TLR2: variants seen among roughly 807,000 people sequenced by gnomAD.
TLR2 encodes toll-like receptor 2.
Under a neutral mutation model 9.1 loss-of-function variants are expected in TLR2, and 7 were observed. That is an observed-to-expected ratio of 0.77 (90% CI 0.44 to 1.44). The LOEUF is 1.44. Ranked by LOEUF, TLR2 falls within the 40% of genes most tolerant of loss-of-function variation. The probability of loss-of-function intolerance (pLI) is 0.01; values close to 1 mark genes in which losing one functional copy is unlikely to be tolerated. For missense variants in TLR2, 812 were observed against 904.6 expected (o/e 0.90, Z 1.31); for synonymous variants, 317 against 344.6 (o/e 0.92, Z 0.89).
In TLR2 at chr4:153,692,868, C is replaced by A. The variant is rs577169248; in HGVS notation, c.-17+4821C>A. Reference sequence around the variant, plus strand: ...TGTTAAATTGAGCAGGTTGAATTGACCATGCAGATGGCCAGTGCTGTACAG... The same window carrying A: ...TGTTAAATTGAGCAGGTTGAATTGAACATGCAGATGGCCAGTGCTGTACAG... On this transcript the variant is annotated intron_variant, in intron 2 of 2. Transcript: ENST00000642700. 1.9e-4 allele frequency among the ~76,000 whole-genome samples: 29 copies of A among 152,316 alleles called. No individual in the cohort carries two copies. In the South Asian group the frequency reaches 5.6e-3, roughly 29 times the overall value.
downstream of TLR2, among the ~76,000 whole-genome samples, chr4:153,709,271 T>A (rs945221715): frequency 1.4e-4 from 21 of 152,226 alleles, no homozygotes; most frequent in African/African-American, 5.1e-4. Context: ...AGTGCCAATA[T>A]CTGAACAAGG....
chr4:153,695,213 G>A (rs1736407400), intron 2 of TLR2, among the ~76,000 whole-genome samples: 1 of 152,088 alleles, frequency 6.6e-6, no homozygotes, highest in Non-Finnish European at 1.5e-5. Flanking sequence ...TGGATTGTGT[G>A]GTAGCTCTAC....
chr4:153,686,790 T>G (rs2127008316), intron 1 of TLR2, among the ~76,000 whole-genome samples: 1 of 152,240 alleles, frequency 6.6e-6, no homozygotes, highest in South Asian at 2.1e-4. Flanking sequence ...TTATCATACA[T>G]CTCTCAGTAA....
chr4:153,698,683 G>A (rs1218829490), intron 2 of TLR2, among the ~76,000 whole-genome samples: 1 of 152,184 alleles, frequency 6.6e-6, no homozygotes, highest in Non-Finnish European at 1.5e-5. Context: ...AAAAACCTCA[G>A]TTGGTACATT....
intron 2 of TLR2, among the ~76,000 whole-genome samples, chr4:153,692,731 A>G (rs1429027047): frequency 6.6e-6 from 1 of 152,168 alleles, no homozygotes; most frequent in East Asian, 1.9e-4. Context: ...CTATAAATTT[A>G]TAGGTACAGA....
intron 2 of TLR2, 112 bp from the exon 3 acceptor site, chr4:153,702,761 TTTGTGTGTGTGTGTGTGTG>T (rs1579000011): frequency 1.2e-3 from 620 of 536,632 alleles, no homozygotes; most frequent in East Asian, 4.3e-3. Context: ...TCTCTCTCTC[TTTGTGTGTGTGTGTGTGTG>T]TGTGTGTGTG....
At position 153,700,166 on chromosome 4, in the gene TLR2, A is replaced by G. The variant is rs1736785609; in HGVS notation, c.-16-2726A>G. Among the ~76,000 whole-genome samples the G allele has an allele frequency of 1.3e-5, 2 of 152,088 alleles. 1 individual carries two copies. The highest frequency in any genetic ancestry group is 4.1e-4 in the South Asian group (2 of 4,830). On this transcript the variant is annotated intron_variant, in intron 2 of 2. Transcript: ENST00000642700. ...CTGTGAACAGAGTGAAAACTAACTT[A>G]TTACCATGAAGAGCACACCAAGCCA...
At chr4:153,690,921 A>G (rs189253567) in intron 2 of TLR2, among the ~76,000 whole-genome samples, 70 of 152,334 alleles carry the variant, frequency 4.6e-4, no homozygotes, top group African/African-American at 1.5e-3. Context: ...GCTGTTTGCA[A>G]TTGGGTAAAT....
In TLR2 at chr4:153,705,715, C is replaced by T. The variant is rs911149161; in HGVS notation, c.*453C>T. 6.0e-6 allele frequency: 1 copy of T among 166,704 alleles called. No individual in the cohort carries two copies. The highest frequency in any genetic ancestry group is 1.5e-5 in the Non-Finnish European group (1 of 68,130). The allele number at this position is 166,704 out of a possible 1,614,324, so 10.3% of individuals were successfully genotyped here. On this transcript the variant is annotated 3_prime_UTR_variant, in exon 3 of 3. Coordinates refer to ENST00000642700, the MANE Select transcript of TLR2 (RefSeq NM_001318789.2). ...AATACTATGTAAATAGTTGTACTGT[C>T]TTTTTATTTATATTATTATTGTTAT... is the stretch of plus-strand genomic sequence containing the variant.
At chr4:153,702,762 T>TTGTGTG (rs141605367) in intron 2 of TLR2, 130 bp from the exon 3 acceptor site, 9,311 of 415,450 alleles carry the variant, frequency 0.022, 159 homozygotes, top group East Asian at 0.046. Flanking sequence ...CTCTCTCTCT[T>TTGTGTG]TGTGTGTGTG....
At chr4:153,707,329 C>T (rs1242562195), downstream of TLR2, among the ~76,000 whole-genome samples, 1 of 152,086 alleles carries the variant, frequency 6.6e-6, no homozygotes, top group African/African-American at 2.4e-5. Flanking sequence ...AGGAGGATTG[C>T]TTGAGTCCAG....
rs1737257382 is a variant in TLR2, at chr4:153,705,210, A to G, written c.2303A>G (p.Glu768Gly). ...TKTYLEWPMD[E>G]AQREGFWVNL... ...ACCTACCTGGAGTGGCCCATGGACGAGGCTCAGCGGGAAGGATTTTGGGTA... is the reference window on the plus strand; with the variant it reads ...ACCTACCTGGAGTGGCCCATGGACGGGGCTCAGCGGGAAGGATTTTGGGTA... The change falls in exon 3 of 3, where the codon GAG becomes GGG. Residue 768 changes from glutamate (E) to glycine (G), a missense_variant. Physicochemically the swap from Glu to Gly is moderately conservative, Grantham distance 98 (BLOSUM62 -2). Transcript: ENST00000642700. The G allele has an allele frequency of 1.2e-6, 2 of 1,608,222 alleles. No homozygotes were observed. The highest frequency in any genetic ancestry group is 3.4e-5 in the Admixed American group (2 of 59,396).
In TLR2 at chr4:153,703,719, A is replaced by T; in HGVS notation, c.812A>T (p.Lys271Ile). 6.2e-7 allele frequency: 1 copy of T among 1,613,870 alleles called. No homozygotes were observed. Among genetic ancestry groups the T allele is most frequent in the Non-Finnish European group, 8.5e-7 (1 of 1,179,962 alleles). The change falls in exon 3 of 3, where the codon AAA (lysine) becomes ATA (isoleucine). Residue 271 changes from lysine (K) to isoleucine (I), a missense_variant. Coordinates refer to ENST00000642700, the MANE Select transcript of TLR2 (RefSeq NM_001318789.2). ...GATGAAAGTTTGTTTCAGGTTATGAAACTTTTGAATCAGATTTCTGGATTG... is the reference window on the plus strand; with the variant it reads ...GATGAAAGTTTGTTTCAGGTTATGATACTTTTGAATCAGATTTCTGGATTG... The part of the protein sequence containing the change: ...ITDESLFQVM[K>I]LLNQISGLLE...
At position 153,703,015 on chromosome 4, in the gene TLR2, C is replaced by T. The variant is rs200383932; in HGVS notation, c.108C>T (p.Cys36=). Residue 36 remains cysteine, a synonymous_variant, in exon 3 of 3, where the codon TGC becomes TGT. Coordinates refer to ENST00000642700, the MANE Select transcript of TLR2 (RefSeq NM_001318789.2). ...TGTCTTGTGACCGCAATGGTATCTG[C>T]AAGGGCAGCTCAGGATCTTTAAACT... ...ASLSCDRNGI[C]KGSSGSLNSI... is the part of the protein sequence containing the mutation. 21 of 1,614,014 alleles carry T rather than the reference C, an allele frequency of 1.3e-5. No individual in the cohort carries two copies. The highest frequency in any genetic ancestry group is 1.7e-5 in the Non-Finnish European group (20 of 1,180,006).
chr4:153,697,974 A>G (rs188037033), intron 2 of TLR2, among the ~76,000 whole-genome samples: 1 of 152,294 alleles, frequency 6.6e-6, no homozygotes, highest in African/African-American at 2.4e-5. Context: ...CATATCTTTA[A>G]CCAAGTCCAT....
Position 153,705,189 on chromosome 4 carries a change from A to G in TLR2, c.2282A>G (p.Tyr761Cys), listed in dbSNP as rs1355833159. The G allele has an allele frequency of 1.9e-6, 3 of 1,613,502 alleles. No individual in the cohort carries two copies. Among genetic ancestry groups the G allele is most frequent in the South Asian group, 2.2e-5 (2 of 91,034 alleles). ...KLRKIMNTKT[Y>C]LEWPMDEAQR... Reference sequence around the variant, plus strand: ...CGGAAGATAATGAACACCAAGACCTACCTGGAGTGGCCCATGGACGAGGCT... The same window carrying G: ...CGGAAGATAATGAACACCAAGACCTGCCTGGAGTGGCCCATGGACGAGGCT... The change falls in exon 3 of 3, where the codon TAC becomes TGC. Residue 761 changes from tyrosine to cysteine, a missense_variant. Physicochemically the swap from Tyr to Cys is radical, Grantham distance 194 (BLOSUM62 -2). Coordinates refer to ENST00000642700, the MANE Select transcript of TLR2 (RefSeq NM_001318789.2).
In TLR2 at chr4:153,705,059, G is replaced by C. The variant is rs1488858571; in HGVS notation, c.2152G>C (p.Asp718His). The C allele has an allele frequency of 6.2e-7, 1 of 1,613,964 alleles. No individual in the cohort carries two copies. The highest frequency in any genetic ancestry group is 2.2e-5 in the East Asian group (1 of 44,878). Residue 718 changes from aspartate (D) to histidine (H), a missense_variant, in exon 3 of 3, where the codon GAC (aspartate) becomes CAC (histidine). Transcript: ENST00000642700. The part of the protein sequence containing the change: ...VKSEWCKYEL[D>H]FSHFRLFDEN... ...GAGTGAGTGGTGCAAGTATGAACTGGACTTCTCCCATTTCCGTCTTTTTGA... is the reference window on the plus strand; with the variant it reads ...GAGTGAGTGGTGCAAGTATGAACTGCACTTCTCCCATTTCCGTCTTTTTGA...
chr4:153,707,868 TGTG>T (rs1407028383), downstream of TLR2, among the ~76,000 whole-genome samples: 2 of 152,150 alleles, frequency 1.3e-5, no homozygotes, highest in African/African-American at 4.8e-5. Context: ...CCTGAGGTGT[TGTG>T]GTGCCTATTC....
At position 153,704,270 on chromosome 4, in the gene TLR2, A is replaced by G; in HGVS notation, c.1363A>G (p.Ile455Val). Residue 455 changes from isoleucine (I) to valine (V), a missense_variant, in exon 3 of 3, where the codon ATT (isoleucine) becomes GTT (valine). Transcript: ENST00000642700. ...STRIHSVTGC[I>V]PKTLEILDVS... ...ACGAATACACAGTGTAACAGGCTGC[A>G]TTCCCAAGACACTGGAAATTTTAGA... 6.2e-7 allele frequency: 1 copy of G among 1,614,174 alleles called. No homozygotes were observed. Among genetic ancestry groups the G allele is most frequent in the East Asian group, 2.2e-5 (1 of 44,886 alleles).
Sources: allele counts gnomAD v4.1 joint callset (sites outside exome capture counted in the v4.1 genomes callset), GRCh38; gene constraint gnomAD v4.1.1; transcripts MANE v1.5; gene names NCBI Gene and HGNC (gene_info 2026-07-23, HGNC 2026-07-21).